SMG5: variants seen among roughly 807,000 people sequenced by gnomAD.
SMG5 encodes the protein SMG5 nonsense mediated mRNA decay factor.
Under a neutral mutation model 122.9 loss-of-function variants are expected in SMG5, and 53 were observed. The ratio of observed to expected loss-of-function variants is 0.43; its 90% CI spans 0.35 to 0.54. The LOEUF (loss-of-function observed/expected upper bound fraction) is 0.54, where lower values mean the gene tolerates loss of function less well. Among genes scored for constraint, SMG5 ranks in the 20% least tolerant of loss-of-function variants. The pLI is 0.01. For missense variants in SMG5, 1,153 were observed against 1,285.6 expected, an observed-to-expected ratio of 0.90 and a Z score of 1.58; for synonymous variants, 477 against 490.2, an observed-to-expected ratio of 0.97 and a Z score of 0.35.
intron 16 of SMG5, among the ~76,000 whole-genome samples, chr1:156,257,118 G>A (rs1472628128): frequency 6.6e-6 from 1 of 151,948 alleles, no homozygotes; most frequent in African/African-American, 2.4e-5. Context: ...GTAGAGACGA[G>A]GTTTCACCAT....
chr1:156,262,508 A>C (rs1471902700), intron 13 of SMG5, among the ~76,000 whole-genome samples: 1 of 149,914 alleles, frequency 6.7e-6, no homozygotes, highest in Non-Finnish European at 1.5e-5. Context: ...AGGAGAAAGC[A>C]GCGAAACCAC....
chr1:156,278,205 C>A (rs1270916271), intron 2 of SMG5, among the ~76,000 whole-genome samples, 157 bp from the exon 3 acceptor site: 1 of 152,058 alleles, frequency 6.6e-6, no homozygotes, highest in South Asian at 2.1e-4. Context: ...CAACAGCAGC[C>A]TAGGAAGGCA....
chr1:156,287,283 G>T (rs939220375), upstream of SMG5, among the ~76,000 whole-genome samples: 5 of 152,154 alleles, frequency 3.3e-5, no homozygotes, highest in Non-Finnish European at 7.3e-5. Context: ...GGGTGTGGTG[G>T]TGGGCATCTG....
chr1:156,274,019 C>G (rs1558244147), intron 5 of SMG5, among the ~76,000 whole-genome samples: 2 of 152,182 alleles, frequency 1.3e-5, no homozygotes, highest in Non-Finnish European at 1.5e-5. Flanking sequence ...ACAGCTGACT[C>G]TCTGCACACA....
In SMG5 at chr1:156,256,927, C is replaced by CT. The variant is rs10706859; in HGVS notation, c.2442+2077dup. Among the ~76,000 whole-genome samples, 561 of 138,718 alleles carry CT rather than the reference C, an allele frequency of 4.0e-3. 2 individuals are homozygous for CT. The highest frequency in any genetic ancestry group is 0.023 in the Middle Eastern group (6 of 264). The allele number at this position is 138,718 out of a possible 152,430, so 91.0% of individuals were successfully genotyped here. A position where few individuals can be genotyped will look rare whatever the true frequency, so the allele number is the denominator to read the frequency against. On this transcript the variant is annotated intron_variant, in intron 16 of 21. Coordinates refer to ENST00000361813, the MANE Select transcript of SMG5 (RefSeq NM_015327.3). ...TCTTTCTACATTTTCTTTTCTTTTC[C>CT]TTTTTTTTTTTTTTTTCCAGACAGA...
intron 12 of SMG5, among the ~76,000 whole-genome samples, chr1:156,264,267 CA>C (rs1205363773): frequency 0.033 from 1,778 of 53,782 alleles, 7 homozygotes; most frequent in African/African-American, 0.097. Flanking sequence ...GACTCCGTCT[CA>C]AAAAAAAAAA....
chr1:156,268,209 A>G, intron 8 of SMG5, 26 bp from the exon 9 acceptor site: 2 of 1,614,084 alleles, frequency 1.2e-6, no homozygotes, highest in Non-Finnish European at 1.7e-6. Flanking sequence ...CCCAAAGTAA[A>G]TGCTGAATGG....
chr1:156,266,777 G>A, intron 10 of SMG5, 99 bp from the exon 11 acceptor site: 1 of 1,308,122 alleles, frequency 7.6e-7, no homozygotes, highest in Non-Finnish European at 1.0e-6. Context: ...ACTCTTCCAA[G>A]GATCCAACTA....
intron 7 of SMG5, among the ~76,000 whole-genome samples, chr1:156,270,488 T>C (rs1662359841): frequency 6.6e-6 from 1 of 152,212 alleles, no homozygotes; most frequent in African/African-American, 2.4e-5. Context: ...ACAATGCCAC[T>C]AGGAGAAGGC....
the SMG5 span, chr1:156,291,358 A>T: frequency 1.9e-6 from 3 of 1,609,758 alleles, no homozygotes; most frequent in East Asian, 6.7e-5. Context: ...CCTCGAGAGT[A>T]GCCTGACCCT....
chr1:156,252,591 A>G, intron 18 of SMG5, 87 bp from the exon 19 acceptor site: 1 of 1,377,338 alleles, frequency 7.3e-7, no homozygotes, highest in Non-Finnish European at 1.0e-6. Flanking sequence ...AGCTCACCTC[A>G]GTACACTCTT....
chr1:156,279,108 C>A, intron 1 of SMG5, 74 bp from the exon 2 acceptor site: 2 of 1,293,544 alleles, frequency 1.5e-6, no homozygotes, highest in South Asian at 1.2e-5. Context: ...GGACACGATT[C>A]TAGAGGAAAA....
intron 4 of SMG5, among the ~76,000 whole-genome samples, chr1:156,275,962 G>A (rs1057301557): frequency 6.6e-6 from 1 of 151,574 alleles, no homozygotes; most frequent in Non-Finnish European, 1.5e-5. Context: ...CAACATGCAC[G>A]CACCACCATG....
chr1:156,273,717 T>TG (rs1662547257), intron 5 of SMG5, among the ~76,000 whole-genome samples: 1 of 135,870 alleles, frequency 7.4e-6, no homozygotes, highest in African/African-American at 2.6e-5. Flanking sequence ...TGTTTTGTTT[T>TG]CTTTTTTTTT....
At position 156,266,628 on chromosome 1, in the gene SMG5, G is replaced by A; in HGVS notation, c.1168C>T (p.His390Tyr). Reference sequence around the variant, plus strand: ...CGTATGTTGACATGATTGACGAGGTGGGAAAAGAGGGCCAGGGTGAAGGCA... The same window carrying A: ...CGTATGTTGACATGATTGACGAGGTAGGAAAAGAGGGCCAGGGTGAAGGCA... ...AIAFTLALFSHLVNHVNIRLQ... is the reference protein window; with the variant it reads ...AIAFTLALFSYLVNHVNIRLQ... Residue 390 changes from histidine (H) to tyrosine (Y), a missense_variant, in exon 11 of 22, where the codon CAC becomes TAC. This residue lies in a region of SMG5 where 631 missense variants were observed against 650.6 expected (regional missense o/e 0.97). Coordinates refer to ENST00000361813, the MANE Select transcript of SMG5 (RefSeq NM_015327.3). The A allele has an allele frequency of 6.2e-7, 1 of 1,614,106 alleles. No individual in the cohort carries two copies. Among genetic ancestry groups the A allele is most frequent in the South Asian group, 1.1e-5 (1 of 91,078 alleles).
At chr1:156,260,390 C>A (rs1026360357) in intron 15 of SMG5, 61 bp downstream of exon 15, 46 of 1,565,242 alleles carry the variant, frequency 2.9e-5, no homozygotes, top group Non-Finnish European at 3.6e-5. Context: ...CAGATCTGAA[C>A]CCATTTGCTG....
chr1:156,268,386 G>A lies in SMG5; in HGVS notation c.743C>T (p.Ala248Val). 6.2e-7 allele frequency: 1 copy of A among 1,614,100 alleles called. No individual in the cohort carries two copies. The highest frequency in any genetic ancestry group is 8.5e-7 in the Non-Finnish European group (1 of 1,180,028). ...CIQSEVSFEG[A>V]YGNLKRLYDK... is the part of the protein sequence containing the mutation. Reference sequence around the variant, plus strand: ...ATACAGCCGCTTGAGGTTCCCATAGGCTCCCTCAAAGGACACTTCTGACTG... The same window carrying A: ...ATACAGCCGCTTGAGGTTCCCATAGACTCCCTCAAAGGACACTTCTGACTG... Residue 248 changes from alanine (A) to valine (V), a missense_variant, in exon 8 of 22, where the codon GCC becomes GTC. Around this residue, in one of 5 missense-constraint regions of SMG5, gnomAD observed 85 missense variants for 127.3 expected, o/e 0.67. Coordinates refer to ENST00000361813, the MANE Select transcript of SMG5 (RefSeq NM_015327.3).
chr1:156,265,786 T>C lies in SMG5; in HGVS notation c.1850A>G (p.Glu617Gly), dbSNP rs1364947612. Reference protein sequence around the residue: ...CVNGDVDKPSEPASEEGSESE... With the variant: ...CVNGDVDKPSGPASEEGSESE... ...TGATGAAGTGGTCCAAATACCTGGC[T>C]CTGAAGGCTTGTCTACATCCCCATT... Residue 617 changes from glutamate to glycine, a missense_variant, in exon 12 of 22, where the codon GAG becomes GGG. Physicochemically the swap from Glu to Gly is moderately conservative, Grantham distance 98. This residue lies in a region of SMG5 where 631 missense variants were observed against 650.6 expected (regional missense o/e 0.97). Coordinates refer to ENST00000361813, the MANE Select transcript of SMG5 (RefSeq NM_015327.3). 6.2e-7 allele frequency: 1 copy of C among 1,613,318 alleles called. No homozygotes were observed.
chr1:156,282,588 AC>A lies in SMG5; in HGVS notation c.74+18del. On this transcript the variant is annotated intron_variant, in intron 1 of 21. Transcript: ENST00000361813. ...CCCACTTCCCTCGGTGGCTGCTCTC[AC>A]GCCCTGGCCCCTCTCACCGGTAAAG... is the stretch of plus-strand genomic sequence containing the variant. The A allele has an allele frequency of 1.2e-6, 2 of 1,600,526 alleles. No homozygotes were observed. Among genetic ancestry groups the A allele is most frequent in the Non-Finnish European group, 1.7e-6 (2 of 1,176,768 alleles).
Sources: allele counts gnomAD v4.1 joint callset (sites outside exome capture counted in the v4.1 genomes callset), GRCh38; gene constraint gnomAD v4.1.1; regional missense constraint gnomAD v4.1.1; transcripts MANE v1.5; gene names NCBI Gene and HGNC (gene_info 2026-07-23, HGNC 2026-07-21).